SYNE2: variants seen among roughly 807,000 people sequenced by gnomAD.
SYNE2 encodes the protein spectrin repeat containing nuclear envelope protein 2.
In SYNE2, 431 loss-of-function variants were observed where a neutral mutation model predicts 856.3. That is an observed-to-expected ratio of 0.50 (90% confidence interval 0.47 to 0.55). The LOEUF (loss-of-function observed/expected upper bound fraction) is 0.55. Among genes scored for constraint, SYNE2 ranks in the 20% least tolerant of loss-of-function variants. The pLI, the probability that SYNE2 is intolerant of heterozygous loss-of-function variation, is 0.00. For synonymous variants in SYNE2, 2,923 were observed against 2,872.3 expected (o/e 1.02, Z -0.56); for missense variants, 8,129 against 8,023.2 (o/e 1.01, Z -0.50).
chr14:64,066,773 G>A (rs1360771621), intron 51 of SYNE2, among the ~76,000 whole-genome samples: 2 of 152,164 alleles, frequency 1.3e-5, no homozygotes, highest in Non-Finnish European at 2.9e-5. Flanking sequence ...GTTCACACCT[G>A]TTCTCACTGA....
chr14:64,047,869 G>A, intron 45 of SYNE2, 131 bp from the exon 46 acceptor site: 3 of 959,680 alleles, frequency 3.1e-6, no homozygotes, highest in Non-Finnish European at 4.7e-6. Flanking sequence ...ATCTTTCGTA[G>A]TGCCCAAATA....
Position 64,081,533 on chromosome 14 carries a change from G to A in SYNE2, c.11437G>A (p.Asp3813Asn). 6.2e-7 allele frequency: 1 copy of A among 1,614,218 alleles called. No homozygotes were observed. The highest frequency in any genetic ancestry group is 8.5e-7 in the Non-Finnish European group (1 of 1,180,024). ...NTSHLLANPADYDSLRTLSHH... is the reference protein window; with the variant it reads ...NTSHLLANPANYDSLRTLSHH... ...CAGTCATTTGCTGGCCAATCCTGCT[G>A]ACTATGACTCTTTGAGGACACTGAG... Residue 3813 changes from aspartate to asparagine, a missense_variant, in exon 57 of 116, where the codon GAC (aspartate) becomes AAC (asparagine). By Grantham distance (23) the Asp-to-Asn change is conservative. Coordinates refer to ENST00000555002, the MANE Select transcript of SYNE2 (RefSeq NM_182914.3).
intron 14 of SYNE2, among the ~76,000 whole-genome samples, chr14:63,980,046 A>G (rs2096574241): frequency 6.6e-6 from 1 of 152,220 alleles, no homozygotes; most frequent in African/African-American, 2.4e-5. Context: ...AGGAAGCATC[A>G]TTCTAAACTA....
At chr14:63,967,456 T>C (rs1218999768) in intron 10 of SYNE2, among the ~76,000 whole-genome samples, 1 of 152,198 alleles carries the variant, frequency 6.6e-6, no homozygotes, top group East Asian at 1.9e-4. Context: ...CCAGTGACCT[T>C]GCTGCTCCAT....
chr14:64,220,344 G>C, intron 110 of SYNE2, 93 bp from the exon 111 acceptor site: 1 of 1,382,574 alleles, frequency 7.2e-7, no homozygotes, highest in Non-Finnish European at 1.0e-6. Flanking sequence ...GCTTGGAAAA[G>C]TGTGTGGAAA....
At chr14:63,838,481 A>G (rs975011219) in intron 1 of SYNE2, among the ~76,000 whole-genome samples, 1 of 152,086 alleles carries the variant, frequency 6.6e-6, no homozygotes, top group African/African-American at 2.4e-5. Flanking sequence ...AAATATATAT[A>G]TGAGTCATTT....
intron 1 of SYNE2, among the ~76,000 whole-genome samples, chr14:63,901,791 G>T (rs1265984186): frequency 6.6e-6 from 1 of 152,164 alleles, no homozygotes; most frequent in Non-Finnish European, 1.5e-5. Context: ...AAGCGTGGTG[G>T]CGTGTGCCTG....
At chr14:63,956,146 G>T (rs889702772) in intron 8 of SYNE2, among the ~76,000 whole-genome samples, 3 of 152,114 alleles carry the variant, frequency 2.0e-5, no homozygotes, top group African/African-American at 7.2e-5. Context: ...GCCTTCATTT[G>T]CAGACTTCTG....
At chr14:63,808,045 A>G (rs1888450715) in intron 1 of SYNE2, among the ~76,000 whole-genome samples, 2 of 102,740 alleles carry the variant, frequency 1.9e-5, no homozygotes, top group Admixed American at 3.3e-4. Flanking sequence ...AAAGTCCATT[A>G]CATCATTCTT....
chr14:63,911,960 G>A (rs186188311), intron 2 of SYNE2, among the ~76,000 whole-genome samples: 3 of 152,210 alleles, frequency 2.0e-5, no homozygotes, highest in East Asian at 1.9e-4. Context: ...TGTGATATAC[G>A]TGCACTGGTC....
chr14:64,052,658 T>G lies in SYNE2; in HGVS notation c.8745T>G (p.Asp2915Glu), dbSNP rs2097236110. ...LNVFERLFLE[D>E]QLKNLKIRTN... ...TGTTTGAAAGATTATTTCTGGAAGA[T>G]CAGTTGAAAAATCTTAAGATTAGGA... is the stretch of plus-strand genomic sequence containing the variant. The change falls in exon 48 of 116, where the codon GAT (aspartate) becomes GAG (glutamate). Residue 2915 changes from aspartate (D) to glutamate (E), a missense_variant. This residue lies in a region of SYNE2 where 5,410 missense variants were observed against 5,284.8 expected (regional missense o/e 1.02). Coordinates refer to ENST00000555002, the MANE Select transcript of SYNE2 (RefSeq NM_182914.3). The G allele has an allele frequency of 6.2e-7, 1 of 1,613,968 alleles. No homozygotes were observed. The highest frequency in any genetic ancestry group is 8.5e-7 in the Non-Finnish European group (1 of 1,179,954).
At chr14:64,084,710 T>G (rs1198443471) in intron 57 of SYNE2, 1 of 428,240 alleles carries the variant, frequency 2.3e-6, no homozygotes, top group Non-Finnish European at 4.2e-6. Context: ...GCTATTTTTG[T>G]GTAACATATT....
intron 99 of SYNE2, chr14:64,190,871 A>T: frequency 1.4e-6 from 1 of 693,676 alleles, no homozygotes; most frequent in Non-Finnish European, 2.6e-6. Flanking sequence ...CAAAATGATG[A>T]TGATGCCCAA....
chr14:63,978,272 G>A (rs2096559786), intron 13 of SYNE2, among the ~76,000 whole-genome samples: 1 of 152,010 alleles, frequency 6.6e-6, no homozygotes, highest in Non-Finnish European at 1.5e-5. Flanking sequence ...CTTGGTTTTG[G>A]GTAAGTTACT....
Position 64,022,326 on chromosome 14 carries a change from G to A in SYNE2, c.5524+298G>A, listed in dbSNP as rs76064643. On this transcript the variant is annotated intron_variant, in intron 37 of 115. Coordinates refer to ENST00000555002, the MANE Select transcript of SYNE2 (RefSeq NM_182914.3). ...TCTGGGGAAATACTGGTGCACAAGC[G>A]GTCCAGGCAGTGTCTTTGAGTGTCC... Among the ~76,000 whole-genome samples, 1,133 of 152,242 alleles carry A rather than the reference G, an allele frequency of 7.4e-3. 14 individuals are homozygous for A. Among genetic ancestry groups the A allele is most frequent in the African/African-American group, 0.026 (1,063 of 41,516 alleles).
At chr14:63,822,027 C>T (rs1292388270) in intron 1 of SYNE2, among the ~76,000 whole-genome samples, 1 of 151,900 alleles carries the variant, frequency 6.6e-6, no homozygotes. Flanking sequence ...CCCGTCTCTA[C>T]TAAAAACACA....
At position 64,100,530 on chromosome 14, in the gene SYNE2, AAATATATATATATAT is replaced by A. The variant is rs1455034625; in HGVS notation, c.12382-1400_12382-1386del. ...AAACTGTCTCAAAAAAAAAAAAAAAAAATATATATATATATATATATATATATATATATATATATA... is the reference window on the plus strand; with the variant it reads ...AAACTGTCTCAAAAAAAAAAAAAAAAATATATATATATATATATATATATA... On this transcript the variant is annotated intron_variant, in intron 63 of 115. Coordinates refer to ENST00000555002, the MANE Select transcript of SYNE2 (RefSeq NM_182914.3). Among the ~76,000 whole-genome samples, 113 of 63,860 alleles carry A rather than the reference AAATATATATATATAT, an allele frequency of 1.8e-3. 4 individuals carry two copies. The highest frequency in any genetic ancestry group is 5.1e-3 in the South Asian group (8 of 1,554). The allele number at this position is 63,860 out of a possible 152,430, so 41.9% of individuals were successfully genotyped here. A position where few individuals can be genotyped will look rare whatever the true frequency, so the allele number is the denominator to read the frequency against.
intron 54 of SYNE2, among the ~76,000 whole-genome samples, chr14:64,078,190 T>C (rs1246965454): frequency 6.6e-6 from 1 of 152,212 alleles, no homozygotes; most frequent in Non-Finnish European, 1.5e-5. Flanking sequence ...ACAGCATATA[T>C]CTGTAATACA....
Position 64,016,498 on chromosome 14 carries a change from A to G in SYNE2, c.4754A>G (p.Asn1585Ser). 1 of 1,594,184 alleles carries G rather than the reference A, an allele frequency of 6.3e-7. No homozygotes were observed. Among genetic ancestry groups the G allele is most frequent in the African/African-American group, 1.3e-5 (1 of 74,248 alleles). Residue 1585 changes from asparagine (N) to serine (S), a missense_variant, in exon 33 of 116, where the codon AAT (asparagine) becomes AGT (serine). By Grantham distance (46) the Asn-to-Ser change is conservative. Coordinates refer to ENST00000555002, the MANE Select transcript of SYNE2 (RefSeq NM_182914.3). ...ATTGAAATTGTCAAAGAAGAATTTA[A>G]TGAGCATTTAGAAGTTGTAGACAAG... ...AEIEIVKEEF[N>S]EHLEVVDKIN...
Sources: allele counts gnomAD v4.1 joint callset (sites outside exome capture counted in the v4.1 genomes callset), GRCh38; gene constraint gnomAD v4.1.1; regional missense constraint gnomAD v4.1.1; transcripts MANE v1.5; gene names NCBI Gene and HGNC (gene_info 2026-07-23, HGNC 2026-07-21).